The following TRAT1 variants were observed in gnomAD, a reference collection of about 807,000 sequenced individuals.
TRAT1 encodes the protein T-cell receptor-associated transmembrane adapter 1.
A neutral mutation model predicts 20.0 loss-of-function variants in TRAT1; 20 were observed. The ratio of observed to expected loss-of-function variants is 1.00; its 90% CI spans 0.70 to 1.45. The LOEUF is 1.45. Among genes scored for constraint, TRAT1 ranks in the 40% most tolerant of loss-of-function variants. The probability of loss-of-function intolerance (pLI) is 0.00; values close to 1 mark genes in which losing one functional copy is unlikely to be tolerated. For synonymous variants in TRAT1, 77 were observed against 74.2 expected (o/e 1.04, Z -0.20); for missense variants, 237 against 224.1 (o/e 1.06, Z -0.37).
At chr3:108,849,135 A>T (rs200081929) in intron 4 of TRAT1, 31 bp from the exon 5 acceptor site, 324 of 1,577,502 alleles carry the variant, frequency 2.1e-4, no homozygotes, top group Middle Eastern at 3.4e-4. Context: ...TAAATTTTCT[A>T]TTGTGAATCA....
chr3:108,853,908 T>C lies in TRAT1; in HGVS notation c.*31T>C, dbSNP rs1406737003. Reference sequence around the variant, plus strand: ...CCATGATCTAGTTCAATGATTTGGCTCCTATTGAAGATGGCTTCTAAGAAA... The same window carrying C: ...CCATGATCTAGTTCAATGATTTGGCCCCTATTGAAGATGGCTTCTAAGAAA... On this transcript the variant is annotated 3_prime_UTR_variant, in exon 6 of 6. Transcript: ENST00000295756. 5 of 1,605,766 alleles carry C rather than the reference T, an allele frequency of 3.1e-6. No homozygotes were observed. Among genetic ancestry groups the C allele is most frequent in the Non-Finnish European group, 4.3e-6 (5 of 1,174,378 alleles).
At chr3:108,839,353 G>A in intron 3 of TRAT1, 1 of 167,130 alleles carries the variant, frequency 6.0e-6, no homozygotes, top group African/African-American at 2.4e-5. Context: ...GTATACACGG[G>A]CCAGGCACGG....
At chr3:108,835,901 ATTTATTTATTTAT>A (rs1945835351) in intron 2 of TRAT1, among the ~76,000 whole-genome samples, 1 of 560 alleles carries the variant, frequency 1.8e-3, no homozygotes, top group Non-Finnish European at 3.5e-3. Flanking sequence ...GTTTGTATTT[ATTTATTTATTTAT>A]TTATTTATTT....
intron 1 of TRAT1, among the ~76,000 whole-genome samples, chr3:108,828,773 A>G (rs1559819919): frequency 1.3e-5 from 2 of 152,238 alleles, no homozygotes; most frequent in Admixed American, 6.5e-5. Flanking sequence ...TTTTCTGACT[A>G]CAACATGAAG....
intron 5 of TRAT1, among the ~76,000 whole-genome samples, chr3:108,852,336 G>A (rs940742688): frequency 2.6e-5 from 4 of 151,768 alleles, no homozygotes; most frequent in South Asian, 2.1e-4. Context: ...AGCTGAGATC[G>A]CACCACTGCA....
rs1225748152 is a variant in TRAT1 at position 108,847,088 on chromosome 3, A to G, written c.173A>G (p.Glu58Gly). The stretch of plus-strand genomic sequence containing the variant: ...TATAGGGTTGATGAGTATTATATTG[A>G]AGACACACCAATTTATGGTAACTTA... ...DHTRVDEYYIEDTPIYGNLDD... is the reference protein window; with the variant it reads ...DHTRVDEYYIGDTPIYGNLDD... The change falls in exon 4 of 6, where the codon GAA becomes GGA. Residue 58 changes from glutamate to glycine, a missense_variant. Glu to Gly is a moderately conservative substitution (Grantham distance 98). Coordinates refer to ENST00000295756, the MANE Select transcript of TRAT1 (RefSeq NM_016388.4). The G allele has an allele frequency of 6.5e-7, 1 of 1,540,954 alleles. No individual in the cohort carries two copies. Among genetic ancestry groups the G allele is most frequent in the Non-Finnish European group, 8.9e-7 (1 of 1,122,870 alleles).
intron 3 of TRAT1, among the ~76,000 whole-genome samples, chr3:108,844,138 G>A (rs1945919040): frequency 6.6e-6 from 1 of 152,134 alleles, no homozygotes; most frequent in Non-Finnish European, 1.5e-5. Context: ...CCTTAAAATA[G>A]ATTTATTTCG....
At chr3:108,828,025 G>A (rs1945757463) in intron 1 of TRAT1, among the ~76,000 whole-genome samples, 1 of 152,138 alleles carries the variant, frequency 6.6e-6, no homozygotes, top group Admixed American at 6.5e-5. Context: ...TTGGAAAGGA[G>A]AAAGCAAAAC....
chr3:108,832,447 C>T lies in TRAT1; in HGVS notation c.118+1667C>T, dbSNP rs113239776. 7.7e-3 allele frequency among the ~76,000 whole-genome samples: 1,170 copies of T among 152,084 alleles called. 22 individuals carry two copies. Among genetic ancestry groups the T allele is most frequent in the African/African-American group, 0.026 (1,086 of 41,476 alleles). ...TATATAAGTCAGATGTATAAATGACCCATCATCAAACATCTTCTACAGTTT... is the reference window on the plus strand; with the variant it reads ...TATATAAGTCAGATGTATAAATGACTCATCATCAAACATCTTCTACAGTTT... On this transcript the variant is annotated intron_variant, in intron 2 of 5. Coordinates refer to ENST00000295756, the MANE Select transcript of TRAT1 (RefSeq NM_016388.4).
intron 2 of TRAT1, among the ~76,000 whole-genome samples, chr3:108,836,109 G>A (rs1945839152): frequency 6.6e-6 from 1 of 151,764 alleles, no homozygotes; most frequent in Non-Finnish European, 1.5e-5. Context: ...TAGTAGAGAT[G>A]GGGTTTCACC....
chr3:108,850,678 G>A (rs1945990894), intron 5 of TRAT1, among the ~76,000 whole-genome samples: 1 of 152,096 alleles, frequency 6.6e-6, no homozygotes, highest in East Asian at 1.9e-4. Context: ...GCCATATAAT[G>A]TTTAGTTAAT....
chr3:108,835,065 T>C (rs1945826582), intron 2 of TRAT1, among the ~76,000 whole-genome samples: 1 of 152,248 alleles, frequency 6.6e-6, no homozygotes, highest in South Asian at 2.1e-4. Flanking sequence ...AACAAGCGTA[T>C]GGTTTGGTCA....
rs1276504233 is a variant in TRAT1 at position 108,827,376 on chromosome 3, ATGTGTGTATG to A, written c.8-3286_8-3277del. ...TACTGGGTAAGGGGAGGTATAAAGT[ATGTGTGTATG>A]TGTGTGTGTGTGTGTGTGTGTGTGT... is the stretch of plus-strand genomic sequence containing the variant. On this transcript the variant is annotated intron_variant, in intron 1 of 5. Transcript: ENST00000295756. Among the ~76,000 whole-genome samples, 7 of 108,868 alleles carry A rather than the reference ATGTGTGTATG, an allele frequency of 6.4e-5. No individual in the cohort carries two copies. The South Asian group carries it at 2.5e-3, about 38-fold the overall frequency. The allele number at this position is 108,868 out of a possible 152,430, so 71.4% of individuals were successfully genotyped here.
intron 3 of TRAT1, among the ~76,000 whole-genome samples, chr3:108,840,305 C>T (rs976660159): frequency 5.3e-5 from 8 of 152,060 alleles, no homozygotes; most frequent in African/African-American, 1.9e-4. Flanking sequence ...TTTTACAACA[C>T]ATAATGATGA....
In TRAT1 at chr3:108,853,792, A is replaced by C. The variant is rs1375533655; in HGVS notation, c.476A>C (p.Glu159Ala). The change falls in exon 6 of 6, where the codon GAA becomes GCA. Residue 159 changes from glutamate (E) to alanine (A), a missense_variant. By Grantham distance (107) the Glu-to-Ala change is moderately radical. Coordinates refer to ENST00000295756, the MANE Select transcript of TRAT1 (RefSeq NM_016388.4). ...ACCTTAGTAGACAGTTTCTCCCCAG[A>C]AAGCCAGGCAGTAGAGGAAAACATT... The part of the protein sequence containing the change: ...KTTLVDSFSP[E>A]SQAVEENIHD... 3.1e-6 allele frequency: 5 copies of C among 1,614,074 alleles called. No homozygotes were observed. Among genetic ancestry groups the C allele is most frequent in the Non-Finnish European group, 4.2e-6 (5 of 1,180,008 alleles).
At chr3:108,847,851 TTG>T (rs1216115793) in intron 4 of TRAT1, among the ~76,000 whole-genome samples, 1 of 152,192 alleles carries the variant, frequency 6.6e-6, no homozygotes, top group Non-Finnish European at 1.5e-5. Context: ...ACTCCAAGTT[TTG>T]AACACAGAGA....
At chr3:108,852,336 G>T (rs940742688) in intron 5 of TRAT1, among the ~76,000 whole-genome samples, 1 of 151,768 alleles carries the variant, frequency 6.6e-6, no homozygotes, top group Admixed American at 6.6e-5. Context: ...AGCTGAGATC[G>T]CACCACTGCA....
At chr3:108,850,387 C>T (rs2922120) in intron 5 of TRAT1, among the ~76,000 whole-genome samples, 83,186 of 151,288 alleles carry the variant, frequency 0.55, 23,297 homozygotes, top group East Asian at 0.9. Flanking sequence ...TCACTGCAAC[C>T]TCTGCCTCCC....
intron 1 of TRAT1, among the ~76,000 whole-genome samples, chr3:108,823,877 G>C (rs1298301927): frequency 2.0e-5 from 3 of 151,386 alleles, no homozygotes; most frequent in African/African-American, 7.3e-5. Context: ...AGTTTTTTTT[G>C]TTTGTTTTTT....
Sources: allele counts gnomAD v4.1 joint callset (sites outside exome capture counted in the v4.1 genomes callset), GRCh38; gene constraint gnomAD v4.1.1; transcripts MANE v1.5; gene names NCBI Gene and HGNC (gene_info 2026-07-23, HGNC 2026-07-21).